ADGRD1: variants seen among roughly 807,000 people sequenced by gnomAD.
ADGRD1 encodes adhesion G protein-coupled receptor D1.
In ADGRD1, 77 loss-of-function variants were observed where a neutral mutation model predicts 113.4. The ratio of observed to expected loss-of-function variants is 0.68; its 90% CI spans 0.57 to 0.82. The LOEUF (loss-of-function observed/expected upper bound fraction) is 0.82. Among genes scored for constraint, ADGRD1 ranks in the 40% least tolerant of loss-of-function variants. The pLI is 0.00. For synonymous variants in ADGRD1, 474 were observed against 475.0 expected (o/e 1.00, Z 0.03); for missense variants, 1,036 against 1,139.1 (o/e 0.91, Z 1.30).
rs1950222954 is a variant in ADGRD1 at position 131,105,781 on chromosome 12, C to T, written c.1803C>T (p.Arg601=). Residue 601 remains arginine (R), a synonymous_variant, in exon 17 of 25, where the codon CGC becomes CGT. Coordinates refer to ENST00000261654, the MANE Select transcript of ADGRD1 (RefSeq NM_198827.5). ...CCGTGAGCACCATCCGGAACCAGCG[C>T]TACCACATCCACGCCAACCTGTCCT... ...LSSVSTIRNQ[R]YHIHANLSFA... 1 of 1,601,500 alleles carries T rather than the reference C, an allele frequency of 6.2e-7. No individual in the cohort carries two copies. The highest frequency in any genetic ancestry group is 8.5e-7 in the Non-Finnish European group (1 of 1,179,936).
intron 13 of ADGRD1, 135 bp downstream of exon 13, chr12:131,014,475 C>A: frequency 1.3e-6 from 1 of 783,750 alleles, no homozygotes; most frequent in Non-Finnish European, 2.0e-6. Context: ...CTTCCTCTCC[C>A]TGGAGCTCCT....
At chr12:130,973,307 C>G (rs1056864760) in intron 4 of ADGRD1, 1 of 152,250 alleles carries the variant, frequency 6.6e-6, no homozygotes, top group African/African-American at 2.4e-5. Context: ...GCAACCACTG[C>G]TTCCCTTTGA....
intron 13 of ADGRD1, chr12:131,071,002 T>C (rs551003444): frequency 1.2e-4 from 63 of 508,010 alleles, no homozygotes; most frequent in African/African-American, 1.1e-3. Context: ...AGCCACTTGA[T>C]AGAGGGTGGG....
chr12:131,002,834 G>A (rs1278907262), intron 9 of ADGRD1: 6 of 1,243,122 alleles, frequency 4.8e-6, no homozygotes, highest in Non-Finnish European at 5.1e-6. Flanking sequence ...TGAAGCACAG[G>A]GAGGTAGGGG....
At chr12:131,052,618 C>T (rs1056816109) in intron 13 of ADGRD1, among the ~76,000 whole-genome samples, 1 of 129,062 alleles carries the variant, frequency 7.7e-6, no homozygotes, top group Non-Finnish European at 1.6e-5. Context: ...TTGGCTTAGA[C>T]CTAGGGAATG....
In ADGRD1 at chr12:131,041,952, C is replaced by T. The variant is rs1012562927; in HGVS notation, c.1473+27612C>T. On this transcript the variant is annotated intron_variant, in intron 13 of 24. Coordinates refer to ENST00000261654, the MANE Select transcript of ADGRD1 (RefSeq NM_198827.5). This position sits in a 1 kb window ranked among gnomAD's most constrained non-coding sequence, Gnocchi z 4.4. ...GAGTCCCCCTGCGAGGAGAAGGCGC[C>T]GATGACCTAGGGTTCCTTCGCAGTC... Among the ~76,000 whole-genome samples, 1 of 151,994 alleles carries T rather than the reference C, an allele frequency of 6.6e-6. No individual in the cohort carries two copies. Among genetic ancestry groups the T allele is most frequent in the African/African-American group, 2.4e-5 (1 of 41,344 alleles).
intron 15 of ADGRD1, among the ~76,000 whole-genome samples, chr12:131,104,370 C>T (rs879691299): frequency 7.2e-5 from 11 of 152,316 alleles, no homozygotes; most frequent in East Asian, 5.8e-4. Context: ...GGAGTCCTTG[C>T]GGCCACTGTG....
intron 20 of ADGRD1, among the ~76,000 whole-genome samples, chr12:131,128,366 C>T (rs1392233689): frequency 1.7e-4 from 26 of 152,112 alleles, no homozygotes; most frequent in Admixed American, 1.7e-3. Context: ...CTCCAGGCAT[C>T]CCTCTCATGG....
Position 130,954,260 on chromosome 12 carries a change from G to T in ADGRD1, c.-206G>T. 1 of 507,784 alleles carries T rather than the reference G, an allele frequency of 2.0e-6. No individual in the cohort carries two copies. 31.5% of individuals were successfully genotyped at this position (507,784 alleles called of 1,614,324 possible). On this transcript the variant is annotated 5_prime_UTR_variant, in exon 1 of 25. Coordinates refer to ENST00000261654, the MANE Select transcript of ADGRD1 (RefSeq NM_198827.5). This position sits in a 1 kb window ranked among gnomAD's most constrained non-coding sequence, Gnocchi z 4.7. The stretch of plus-strand genomic sequence containing the variant: ...CATCGCAACGTGTTTATTGATCACT[G>T]AAGAATCTCAAGTTTTGAGACGAGG...
chr12:131,004,040 T>TTTG, intron 10 of ADGRD1, 146 bp from the exon 11 acceptor site: 6 of 548,586 alleles, frequency 1.1e-5, no homozygotes, highest in Non-Finnish European at 1.6e-5. Flanking sequence ...TTTTTTTTTT[T>TTTG]GAGGCCATGC....
At chr12:131,029,082 A>T (rs555789677) in intron 13 of ADGRD1, among the ~76,000 whole-genome samples, 1 of 152,314 alleles carries the variant, frequency 6.6e-6, no homozygotes, top group East Asian at 1.9e-4. Context: ...AGGCTTCCTA[A>T]GTGAACTGGC....
chr12:131,047,789 G>C (rs971689354), intron 13 of ADGRD1, among the ~76,000 whole-genome samples: 1 of 152,192 alleles, frequency 6.6e-6, no homozygotes, highest in Admixed American at 6.5e-5. Flanking sequence ...TTGGCTCAGC[G>C]TAAAGACATC....
Position 130,954,253 on chromosome 12 carries a change from G to C in ADGRD1, c.-213G>C. 1 of 490,890 alleles carries C rather than the reference G, an allele frequency of 2.0e-6. No homozygotes were observed. The highest frequency in any genetic ancestry group is 3.6e-6 in the Non-Finnish European group (1 of 281,688). 30.4% of individuals were successfully genotyped at this position (490,890 alleles called of 1,614,324 possible). A position where few individuals can be genotyped will look rare whatever the true frequency, so the allele number is the denominator to read the frequency against. On this transcript the variant is annotated 5_prime_UTR_variant, in exon 1 of 25. Coordinates refer to ENST00000261654, the MANE Select transcript of ADGRD1 (RefSeq NM_198827.5). This position sits in a 1 kb window ranked among gnomAD's most constrained non-coding sequence, Gnocchi z 4.7. ...CTCTGGTCATCGCAACGTGTTTATTGATCACTGAAGAATCTCAAGTTTTGA... is the reference window on the plus strand; with the variant it reads ...CTCTGGTCATCGCAACGTGTTTATTCATCACTGAAGAATCTCAAGTTTTGA...
At chr12:131,012,023 C>T (rs569855262) in intron 12 of ADGRD1, among the ~76,000 whole-genome samples, 5 of 152,286 alleles carry the variant, frequency 3.3e-5, no homozygotes, top group African/African-American at 1.2e-4. Flanking sequence ...GGACTGAGCC[C>T]ACGCATGCCC....
At chr12:131,007,071 G>A (rs577023043) in intron 12 of ADGRD1, among the ~76,000 whole-genome samples, 8 of 152,352 alleles carry the variant, frequency 5.3e-5, no homozygotes, top group South Asian at 4.1e-4. Context: ...GTGAGGTGTC[G>A]CTGTGTCTTG....
At chr12:131,033,940 C>CG (rs1881092824) in intron 13 of ADGRD1, among the ~76,000 whole-genome samples, 1 of 152,102 alleles carries the variant, frequency 6.6e-6, no homozygotes, top group African/African-American at 2.4e-5. Flanking sequence ...CAGTCCTCCC[C>CG]GGGGGATGCC....
intron 2 of ADGRD1, among the ~76,000 whole-genome samples, chr12:130,961,948 C>T (rs778069615): frequency 1.3e-5 from 2 of 152,224 alleles, no homozygotes; most frequent in Non-Finnish European, 2.9e-5. Flanking sequence ...TTAATTTAGA[C>T]AGGGCACAGT....
intron 21 of ADGRD1, 108 bp from the exon 22 acceptor site, chr12:131,135,929 G>T: frequency 8.2e-7 from 1 of 1,220,158 alleles, no homozygotes; most frequent in Non-Finnish European, 1.2e-6. Flanking sequence ...CTTGCTCCCG[G>T]CAGGGCGGTG....
chr12:131,041,125 G>A lies in ADGRD1; in HGVS notation c.1473+26785G>A, dbSNP rs12308708. Among the ~76,000 whole-genome samples the A allele has an allele frequency of 2.3e-3, 353 of 152,222 alleles. 3 individuals carry two copies. The highest frequency in any genetic ancestry group is 8.0e-3 in the African/African-American group (333 of 41,544). Reference sequence around the variant, plus strand: ...TCACTTGTCCTGGGGTGAATGTTTCGATGCTCTTACCAGGAAAGGGTAGCA... The same window carrying A: ...TCACTTGTCCTGGGGTGAATGTTTCAATGCTCTTACCAGGAAAGGGTAGCA... On this transcript the variant is annotated intron_variant, in intron 13 of 24. Transcript: ENST00000261654. The surrounding 1 kb of genome is among the most constrained non-coding windows in gnomAD (Gnocchi z 4.4).
Sources: gnomAD v4.1 joint callset for allele counts (sites outside exome capture counted in the v4.1 genomes callset) on GRCh38, gnomAD v4.1.1 for gene constraint, Gnocchi (gnomAD v3.1) non-coding constraint, MANE v1.5 for transcripts, NCBI Gene and HGNC (gene_info 2026-07-23, HGNC 2026-07-21) for gene names.